Variants in CD276 observed in about 807,000 individuals in gnomAD.
The protein encoded by CD276 is CD276 molecule.
CD276 carries 34 observed loss-of-function variants against 50.0 expected under a neutral mutation model. The ratio of observed to expected loss-of-function variants is 0.68; its 90% CI spans 0.52 to 0.91. The LOEUF (loss-of-function observed/expected upper bound fraction) is 0.91, where lower values mean the gene tolerates loss of function less well. Ranked by LOEUF, CD276 falls within the 40% of genes least tolerant of loss-of-function variation. The pLI, the probability that CD276 is intolerant of heterozygous loss-of-function variation, is 0.00. For missense variants in CD276, 634 were observed against 717.5 expected (o/e 0.88, Z 1.33); for synonymous variants, 275 against 313.0 (o/e 0.88, Z 1.28).
chr15:73,709,432 G>A, intron 7 of CD276: 2 of 547,628 alleles, frequency 3.7e-6, no homozygotes, highest in Non-Finnish European at 6.4e-6. Flanking sequence ...GGCTGGGTGA[G>A]TGGTGGGCTC....
At chr15:73,698,607 C>G (rs754556603) in intron 1 of CD276, among the ~76,000 whole-genome samples, 14 of 152,192 alleles carry the variant, frequency 9.2e-5, no homozygotes, top group Non-Finnish European at 1.6e-4. Flanking sequence ...GTCACCCAGT[C>G]TGGAGTGCAG....
chr15:73,697,948 A>G (rs1900238963), intron 1 of CD276, among the ~76,000 whole-genome samples: 1 of 152,158 alleles, frequency 6.6e-6, no homozygotes, highest in South Asian at 2.1e-4. Context: ...AGGACGTGAA[A>G]TCATTTCTAT....
chr15:73,708,495 T>C (rs752197016), intron 7 of CD276, 22 bp downstream of exon 7: 19 of 1,606,610 alleles, frequency 1.2e-5, no homozygotes, highest in Admixed American at 1.7e-5. Context: ...TGTATGTGTG[T>C]GCGTGCGCAT....
At chr15:73,701,041 T>C (rs1466905477) in intron 2 of CD276, among the ~76,000 whole-genome samples, 4 of 150,620 alleles carry the variant, frequency 2.7e-5, no homozygotes, top group South Asian at 2.1e-4. Context: ...GTAGCTGGGA[T>C]TACAGGTGTG....
intron 2 of CD276, among the ~76,000 whole-genome samples, chr15:73,701,963 C>G (rs1296939114): frequency 6.6e-6 from 1 of 152,244 alleles, no homozygotes; most frequent in Non-Finnish European, 1.5e-5. Context: ...TAGTCACATG[C>G]TGACGAGAAT....
rs1205842276 is a variant in CD276 at position 73,702,588 on chromosome 15, T to G, written c.413T>G (p.Val138Gly). 9 of 1,605,722 alleles carry G rather than the reference T, an allele frequency of 5.6e-6. No homozygotes were observed. In the South Asian group the frequency reaches 8.8e-5, roughly 16 times the overall value. Residue 138 changes from valine to glycine, a missense_variant, in exon 3 of 10, where the codon GTG becomes GGG. Coordinates refer to ENST00000318443, the MANE Select transcript of CD276 (RefSeq NM_001024736.2). ...GGCAGCGCTGCCGTCAGCCTGCAGG[T>G]GGCCGGTGAGCACCAGGAGGGGGAC... ...DFGSAAVSLQ[V>G]AAPYSKPSMT...
chr15:73,697,133 G>C (rs2141552068), intron 1 of CD276, among the ~76,000 whole-genome samples: 1 of 152,340 alleles, frequency 6.6e-6, no homozygotes, highest in Middle Eastern at 3.4e-3. Flanking sequence ...CCTCAGGGTG[G>C]CCCTTGTGGG....
chr15:73,710,135 T>G (rs1172583526), intron 8 of CD276, among the ~76,000 whole-genome samples: 1 of 152,238 alleles, frequency 6.6e-6, no homozygotes, highest in Non-Finnish European at 1.5e-5. Context: ...CATAGGTTGT[T>G]TGAATTATTA....
chr15:73,709,473 G>A lies in CD276; in HGVS notation c.1505-175G>A, dbSNP rs1900800698. ...TGGGAGCCCCTTCATGTTGTCACAG[G>A]CTCGGCTCTGCTGTGCTCTGCTCTC... is the stretch of plus-strand genomic sequence containing the variant. On this transcript the variant is annotated intron_variant, in intron 7 of 9. Coordinates refer to ENST00000318443, the MANE Select transcript of CD276 (RefSeq NM_001024736.2). 9.4e-6 allele frequency: 6 copies of A among 641,128 alleles called. No individual in the cohort carries two copies. In the East Asian group the frequency reaches 1.2e-4, roughly 12 times the overall value. 39.7% of individuals were successfully genotyped at this position (641,128 alleles called of 1,614,324 possible).
Position 73,704,262 on chromosome 15 carries a change from CG to C in CD276, c.1163del (p.Gly388AlafsTer17). On this transcript the variant is annotated frameshift_variant, in exon 6 of 10. Coordinates refer to ENST00000318443, the MANE Select transcript of CD276 (RefSeq NM_001024736.2). LOFTEE classifies it high-confidence loss of function. The surrounding 1 kb of genome is among the most constrained non-coding windows in gnomAD (Gnocchi z 4.1). Reference sequence around the variant, plus strand: ...GGTGACCATCACGTGCTCCAGCTACCGGGGCTACCCTGAGGCTGAGGTGTTC... The same window carrying C: ...GGTGACCATCACGTGCTCCAGCTACCGGGCTACCCTGAGGCTGAGGTGTTC... ...DTVTITCSSYRGYPEAEVFWQ... is the reference protein window; with the variant it reads ...DTVTITCSSYXGYPEAEVFWQ... The C allele has an allele frequency of 6.2e-7, 1 of 1,614,160 alleles. No individual in the cohort carries two copies. The highest frequency in any genetic ancestry group is 8.5e-7 in the Non-Finnish European group (1 of 1,180,038).
chr15:73,706,474 A>G (rs1258688976), intron 6 of CD276, among the ~76,000 whole-genome samples: 1 of 128,298 alleles, frequency 7.8e-6, no homozygotes, highest in African/African-American at 2.5e-5. Flanking sequence ...CTGCCTCTCT[A>G]AACTCCTCCG....
intron 1 of CD276, among the ~76,000 whole-genome samples, chr15:73,690,175 C>T (rs1474634024): frequency 2.6e-5 from 4 of 152,226 alleles, no homozygotes; most frequent in Admixed American, 6.5e-5. Context: ...TGCATTCATT[C>T]GTTCACTCAT....
intron 4 of CD276, 34 bp downstream of exon 4, chr15:73,703,120 G>A: frequency 6.5e-7 from 1 of 1,539,386 alleles, no homozygotes; most frequent in African/African-American, 1.4e-5. Flanking sequence ...TGGGGGAGGG[G>A]GGTTCTGCTT....
intron 8 of CD276, among the ~76,000 whole-genome samples, chr15:73,710,835 A>C (rs1900868927): frequency 6.6e-6 from 1 of 152,110 alleles, no homozygotes; most frequent in Non-Finnish European, 1.5e-5. Context: ...CTGTGTGTAC[A>C]TTGGGCTCAG....
At position 73,713,420 on chromosome 15, in the gene CD276, A is replaced by G. The variant is rs1236976555; in HGVS notation, c.*464A>G. 2 of 262,452 alleles carry G rather than the reference A, an allele frequency of 7.6e-6. No individual in the cohort carries two copies. Among genetic ancestry groups the G allele is most frequent in the African/African-American group, 2.4e-5 (1 of 42,350 alleles). 16.3% of individuals were successfully genotyped at this position (262,452 alleles called of 1,614,324 possible). A position where few individuals can be genotyped will look rare whatever the true frequency, so the allele number is the denominator to read the frequency against. ...GCCTTGTTTCTCCAATGGCCGTGAT[A>G]CACTAGTGATCATGTTCAGCCCTGC... On this transcript the variant is annotated 3_prime_UTR_variant, in exon 10 of 10. Transcript: ENST00000318443.
intron 1 of CD276, among the ~76,000 whole-genome samples, chr15:73,695,691 G>A (rs1900148797): frequency 6.6e-6 from 1 of 152,206 alleles, no homozygotes; most frequent in Non-Finnish European, 1.5e-5. Context: ...AGTTCAAACT[G>A]GTTTAAGGGA....
chr15:73,691,171 A>T (rs771127190), intron 1 of CD276, among the ~76,000 whole-genome samples: 7 of 151,576 alleles, frequency 4.6e-5, no homozygotes, highest in African/African-American at 7.3e-5. Flanking sequence ...GATATAGCAG[A>T]CATATTTGAG....
At chr15:73,689,188 C>CTCTG (rs1555417295) in intron 1 of CD276, among the ~76,000 whole-genome samples, 2 of 142,626 alleles carry the variant, frequency 1.4e-5, no homozygotes, top group African/African-American at 5.3e-5. Context: ...TCTGTGCCTC[C>CTCTG]TGTGTGTGTG....
In CD276 at chr15:73,704,456, C is replaced by T. The variant is rs1379690285; in HGVS notation, c.1353C>T (p.Gly451=). ...RNPVLQQDAH[G]SVTITGQPMT... Reference sequence around the variant, plus strand: ...CCGTGCTGCAGCAGGATGCGCACGGCTCTGTCACCATCACAGGTAAGGGCA... The same window carrying T: ...CCGTGCTGCAGCAGGATGCGCACGGTTCTGTCACCATCACAGGTAAGGGCA... Residue 451 remains glycine, a synonymous_variant, in exon 6 of 10, where the codon GGC becomes GGT. Transcript: ENST00000318443. The surrounding 1 kb of genome is among the most constrained non-coding windows in gnomAD (Gnocchi z 4.1). 3 of 1,613,280 alleles carry T rather than the reference C, an allele frequency of 1.9e-6. No homozygotes were observed. The highest frequency in any genetic ancestry group is 8.5e-7 in the Non-Finnish European group (1 of 1,179,722).
Sources: gnomAD v4.1 joint callset for allele counts (sites outside exome capture counted in the v4.1 genomes callset) on GRCh38, gnomAD v4.1.1 for gene constraint, Gnocchi (gnomAD v3.1) non-coding constraint, MANE v1.5 for transcripts, NCBI Gene and HGNC (gene_info 2026-07-23, HGNC 2026-07-21) for gene names.